The following B4GALT7 variants were observed in gnomAD, a reference collection of about 807,000 sequenced individuals.
The protein encoded by B4GALT7 is beta-1,4-galactosyltransferase 7, also known as UDP-Gal:beta-GlcNAc beta-1,4-galactosyltransferase 7.
B4GALT7 carries 30 observed loss-of-function variants against 33.0 expected under a neutral mutation model. The ratio of observed to expected loss-of-function variants is 0.91; its 90% CI spans 0.68 to 1.23. B4GALT7 has a LOEUF of 1.23. Among genes scored for constraint, B4GALT7 ranks in the 50% most tolerant of loss-of-function variants. The pLI is 0.00. For synonymous variants in B4GALT7, 213 were observed against 187.2 expected (o/e 1.14, Z -1.13); for missense variants, 507 against 450.8 (o/e 1.12, Z -1.13).
At position 177,600,293 on chromosome 5, in the gene B4GALT7, T is replaced by C; in HGVS notation, c.50+33T>C. ...GCGGCGGTGGGCCCGGGCCCCGTCC[T>C]CCCGGGCGCCGCTCCCTTCTCGGCC... On this transcript the variant is annotated intron_variant, in intron 1 of 5. Coordinates refer to ENST00000029410, the MANE Select transcript of B4GALT7 (RefSeq NM_007255.3). The surrounding 1 kb of genome is among the most constrained non-coding windows in gnomAD (Gnocchi z 4.4). 7.7e-7 allele frequency: 1 copy of C among 1,294,898 alleles called. No individual in the cohort carries two copies. Among genetic ancestry groups the C allele is most frequent in the South Asian group, 2.1e-5 (1 of 47,416 alleles). 80.2% of individuals were successfully genotyped at this position (1,294,898 alleles called of 1,614,324 possible).
chr5:177,603,107 T>C (rs929456781), intron 1 of B4GALT7: 135 of 632,462 alleles, frequency 2.1e-4, no homozygotes, highest in Admixed American at 6.3e-5. Flanking sequence ...GGTCTTGAGC[T>C]CCTGACCTCG....
Position 177,607,480 on chromosome 5 carries a change from A to C in B4GALT7, c.592A>C (p.Thr198Pro). ...GCTCCACCCTCTCTACCACTACAAG[A>C]CCTATGTCGGCGGCATCCTGCTGCT... ...PELHPLYHYK[T>P]YVGGILLLSK... Residue 198 changes from threonine to proline, a missense_variant, in exon 3 of 6, where the codon ACC becomes CCC. Coordinates refer to ENST00000029410, the MANE Select transcript of B4GALT7 (RefSeq NM_007255.3). 1 of 1,613,376 alleles carries C rather than the reference A, an allele frequency of 6.2e-7. No homozygotes were observed. Among genetic ancestry groups the C allele is most frequent in the Non-Finnish European group, 8.5e-7 (1 of 1,180,006 alleles).
chr5:177,605,403 G>A (rs1004445272), intron 2 of B4GALT7, among the ~76,000 whole-genome samples: 2 of 152,240 alleles, frequency 1.3e-5, no homozygotes, highest in African/African-American at 4.8e-5. Flanking sequence ...GCCCTGCTGG[G>A]AGCCTCACTT....
In B4GALT7 at chr5:177,610,001, A is replaced by G. The variant is rs1768134807; in HGVS notation, c.*306A>G. Reference sequence around the variant, plus strand: ...CCTTCACGTGCCCAGGCCTGTGGGTAGTGGGGAGGGCTGAACAGGACAACC... The same window carrying G: ...CCTTCACGTGCCCAGGCCTGTGGGTGGTGGGGAGGGCTGAACAGGACAACC... On this transcript the variant is annotated 3_prime_UTR_variant, in exon 6 of 6. Coordinates refer to ENST00000029410, the MANE Select transcript of B4GALT7 (RefSeq NM_007255.3). 2.2e-6 allele frequency: 1 copy of G among 452,802 alleles called. No homozygotes were observed. Among genetic ancestry groups the G allele is most frequent in the South Asian group, 2.1e-5 (1 of 47,866 alleles). 28.0% of individuals were successfully genotyped at this position (452,802 alleles called of 1,614,324 possible). A position where few individuals can be genotyped will look rare whatever the true frequency, so the allele number is the denominator to read the frequency against.
intron 5 of B4GALT7, 134 bp from the exon 6 acceptor site, chr5:177,609,406 C>A: frequency 8.4e-7 from 1 of 1,190,908 alleles, no homozygotes; most frequent in South Asian, 1.3e-5. Context: ...CAAGAGGCTT[C>A]ACTGCTTTGA....
Position 177,604,501 on chromosome 5 carries a change from C to G in B4GALT7, c.373C>G (p.Arg125Gly), listed in dbSNP as rs756560466. Residue 125 changes from arginine to glycine, a missense_variant, in exon 2 of 6, where the codon CGG becomes GGG. By Grantham distance (125) the Arg-to-Gly change is moderately radical. Coordinates refer to ENST00000029410, the MANE Select transcript of B4GALT7 (RefSeq NM_007255.3). The stretch of plus-strand genomic sequence containing the variant: ...CCGCTTCCTGAGCAGGAAGAAGATC[C>G]GGCACCACATCTACGTGCTCAACCA... ...MRRFLSRKKI[R>G]HHIYVLNQVD... is the part of the protein sequence containing the mutation. 2 of 1,613,830 alleles carry G rather than the reference C, an allele frequency of 1.2e-6. No homozygotes were observed. Among genetic ancestry groups the G allele is most frequent in the African/African-American group, 1.3e-5 (1 of 74,920 alleles).
intron 1 of B4GALT7, chr5:177,603,478 C>T (rs1767894705): frequency 5.5e-6 from 3 of 542,664 alleles, no homozygotes; most frequent in Non-Finnish European, 4.7e-6. Flanking sequence ...TGTGCTGTAC[C>T]CAGCCCTCAT....
chr5:177,609,146 C>T (rs763573117), intron 5 of B4GALT7, 132 bp downstream of exon 5: 147 of 857,374 alleles, frequency 1.7e-4, no homozygotes, highest in Non-Finnish European at 2.5e-4. Flanking sequence ...AGTCGACGGG[C>T]ATTCTGCTTG....
In B4GALT7 at chr5:177,607,426, G is replaced by T; in HGVS notation, c.538G>T (p.Ala180Ser). 6.2e-7 allele frequency: 1 copy of T among 1,614,064 alleles called. No individual in the cohort carries two copies. The highest frequency in any genetic ancestry group is 8.5e-7 in the Non-Finnish European group (1 of 1,180,042). Residue 180 changes from alanine (A) to serine (S), a missense_variant, in exon 3 of 6, where the codon GCT (alanine) becomes TCT (serine). Physicochemically the swap from Ala to Ser is moderately conservative, Grantham distance 99 (BLOSUM62 1). Transcript: ENST00000029410. ...GGAGCTGGACTATGGCTTTCCTGAGGCTGGGCCCTTCCACGTGGCCTCCCC... is the reference window on the plus strand; with the variant it reads ...GGAGCTGGACTATGGCTTTCCTGAGTCTGGGCCCTTCCACGTGGCCTCCCC... ...NEELDYGFPE[A>S]GPFHVASPEL...
intron 1 of B4GALT7, chr5:177,603,189 G>T (rs989926159): frequency 1.2e-5 from 12 of 985,304 alleles, no homozygotes; most frequent in African/African-American, 1.7e-5. Context: ...CCAGGAGATA[G>T]AATTTATAAG....
In B4GALT7 at chr5:177,610,068, C is replaced by T. The variant is rs1280313956; in HGVS notation, c.*373C>T. The T allele has an allele frequency of 1.5e-5, 5 of 327,372 alleles. No homozygotes were observed. Among genetic ancestry groups the T allele is most frequent in the Admixed American group, 4.1e-5 (1 of 24,684 alleles). 20.3% of individuals were successfully genotyped at this position (327,372 alleles called of 1,614,324 possible). ...TTTGTTCCTTCCTGCTGGGCTGCCT[C>T]GTGCAGAGACACAGTGTAGGGGCCA... On this transcript the variant is annotated 3_prime_UTR_variant, in exon 6 of 6. Transcript: ENST00000029410.
chr5:177,601,533 C>T (rs1225562879), intron 1 of B4GALT7: 1 of 152,238 alleles, frequency 6.6e-6, no homozygotes, highest in African/African-American at 2.4e-5. Flanking sequence ...ATTTCCTGAT[C>T]CTTTTCCATA....
At chr5:177,602,868 A>G in intron 1 of B4GALT7, 7 of 893,848 alleles carry the variant, frequency 7.8e-6, no homozygotes, top group Non-Finnish European at 8.9e-6. Context: ...GGGACTTAGG[A>G]GATAGAATTT....
Position 177,608,352 on chromosome 5 carries a change from G to C in B4GALT7, c.640-187G>C. ...GCCTCTCACACAGGTTCAAGGCCCC[G>C]TGAGAACGGGAGAGGGCCCGGGACG... On this transcript the variant is annotated intron_variant, in intron 3 of 5. Transcript: ENST00000029410. The surrounding 1 kb of genome is among the most constrained non-coding windows in gnomAD (Gnocchi z 4.1). 1 of 602,104 alleles carries C rather than the reference G, an allele frequency of 1.7e-6. No homozygotes were observed. The highest frequency in any genetic ancestry group is 2.0e-5 in the South Asian group (1 of 51,104). 37.3% of individuals were successfully genotyped at this position (602,104 alleles called of 1,614,324 possible).
Position 177,609,679 on chromosome 5 carries a change from G to T in B4GALT7, c.968G>T (p.Trp323Leu). The change falls in exon 6 of 6, where the codon TGG becomes TTG. Residue 323 changes from tryptophan (W) to leucine (L), a missense_variant. Trp to Leu is a moderately conservative substitution (Grantham distance 61). Coordinates refer to ENST00000029410, the MANE Select transcript of B4GALT7 (RefSeq NM_007255.3). ...MLDCDKTATP[W>L]CTFS Reference sequence around the variant, plus strand: ...GACTGTGACAAGACCGCCACACCCTGGTGCACATTCAGCTGAGCTGGATGG... The same window carrying T: ...GACTGTGACAAGACCGCCACACCCTTGTGCACATTCAGCTGAGCTGGATGG... 1.2e-6 allele frequency: 2 copies of T among 1,612,110 alleles called. No individual in the cohort carries two copies. Among genetic ancestry groups the T allele is most frequent in the Admixed American group, 1.7e-5 (1 of 59,716 alleles).
Position 177,607,522 on chromosome 5 carries a change from CGGCT to C in B4GALT7, c.637_639+1del. The C allele has an allele frequency of 1.2e-6, 2 of 1,611,232 alleles. No homozygotes were observed. The highest frequency in any genetic ancestry group is 1.7e-6 in the Non-Finnish European group (2 of 1,179,900). On this transcript the variant is annotated frameshift_variant and splice_region_variant, in exon 3 of 6. Transcript: ENST00000029410. LOFTEE classifies it high-confidence loss of function. ...CCTGCTGCTCTCCAAGCAGCACTAC[CGGCT>C]GGTGAGGCCCGGACAGCCTGCTCTG...
Position 177,606,956 on chromosome 5 carries a change from C to T in B4GALT7, c.414-346C>T, listed in dbSNP as rs889889831. 7 of 393,932 alleles carry T rather than the reference C, an allele frequency of 1.8e-5. No individual in the cohort carries two copies. Among genetic ancestry groups the T allele is most frequent in the Non-Finnish European group, 2.9e-5 (6 of 205,504 alleles). The allele number at this position is 393,932 out of a possible 1,614,324, so 24.4% of individuals were successfully genotyped here. A position where few individuals can be genotyped will look rare whatever the true frequency, so the allele number is the denominator to read the frequency against. ...ACCGAGGACAAGAGCCACCTCCACC[C>T]CCAGCAAGATCGCCCTCCTTGCCTG... On this transcript the variant is annotated intron_variant, in intron 2 of 5. Coordinates refer to ENST00000029410, the MANE Select transcript of B4GALT7 (RefSeq NM_007255.3). The surrounding 1 kb of genome is among the most constrained non-coding windows in gnomAD (Gnocchi z 4.2).
rs763449894 is a variant in B4GALT7 at position 177,608,639 on chromosome 5, C to T, written c.723+17C>T. 4 of 1,608,826 alleles carry T rather than the reference C, an allele frequency of 2.5e-6. No individual in the cohort carries two copies. The highest frequency in any genetic ancestry group is 3.4e-6 in the Non-Finnish European group (4 of 1,176,450). The stretch of plus-strand genomic sequence containing the variant: ...GGGCTCCAGGTGAGATTCCCCGGGC[C>T]CCGCCGCCACCTCAGCTGCGGTGGC... On this transcript the variant is annotated intron_variant, in intron 4 of 5. Coordinates refer to ENST00000029410, the MANE Select transcript of B4GALT7 (RefSeq NM_007255.3). The surrounding 1 kb of genome is among the most constrained non-coding windows in gnomAD (Gnocchi z 4.1).
intron 1 of B4GALT7, chr5:177,602,855 A>AG: frequency 2.1e-6 from 2 of 971,548 alleles, no homozygotes; most frequent in Non-Finnish European, 1.2e-6. Context: ...GAAGGATCAG[A>AG]GGGGGACTTA....
Sources: gnomAD v4.1 joint callset for allele counts (sites outside exome capture counted in the v4.1 genomes callset) on GRCh38, gnomAD v4.1.1 for gene constraint, Gnocchi (gnomAD v3.1) non-coding constraint, MANE v1.5 for transcripts, NCBI Gene and HGNC (gene_info 2026-07-23, HGNC 2026-07-21) for gene names.